The following INO80D variants were observed in gnomAD, a reference collection of about 807,000 sequenced individuals.
INO80D encodes the protein INO80 complex subunit D.
In INO80D, 21 loss-of-function variants were observed where a neutral mutation model predicts 87.6. That is an observed-to-expected ratio of 0.24 (90% CI 0.17 to 0.35). INO80D has a LOEUF of 0.35. Ranked by LOEUF, INO80D falls within the 10% of genes least tolerant of loss-of-function variation. INO80D has a pLI of 1.00. For synonymous variants in INO80D, 440 were observed against 491.0 expected (o/e 0.90, Z 1.37); for missense variants, 982 against 1,280.7 (o/e 0.77, Z 3.56).
chr2:205,997,038 G>A lies in INO80D; in HGVS notation c.*7330C>T, dbSNP rs1687821525. On this transcript the variant is annotated 3_prime_UTR_variant, in exon 11 of 11. Coordinates refer to ENST00000403263, the MANE Select transcript of INO80D (RefSeq NM_017759.5). The stretch of plus-strand genomic sequence containing the variant: ...CTATATCTAAGATGAAGTAAATGAT[G>A]CTCAAGAGACAACTACAAATTCAGG... The A allele has an allele frequency of 6.6e-6, 1 of 152,040 alleles. No homozygotes were observed. Among genetic ancestry groups the A allele is most frequent in the African/African-American group, 2.4e-5 (1 of 41,418 alleles). The allele number at this position is 152,040 out of a possible 1,614,324, so 9.4% of individuals were successfully genotyped here. A position where few individuals can be genotyped will look rare whatever the true frequency, so the allele number is the denominator to read the frequency against.
In INO80D at chr2:206,086,020, T is replaced by TG. The variant is rs1449981388; in HGVS notation, c.-244dup. The stretch of plus-strand genomic sequence containing the variant: ...GGCTGCCGCTGCTACTGCTCCCCCC[T>TG]GGGCTCCGGCGAGAGCCTTTCCCTG... On this transcript the variant is annotated 5_prime_UTR_variant, in exon 1 of 11. Coordinates refer to ENST00000403263, the MANE Select transcript of INO80D (RefSeq NM_017759.5). 6.6e-6 allele frequency: 1 copy of TG among 152,248 alleles called. No homozygotes were observed. The highest frequency in any genetic ancestry group is 1.5e-5 in the Non-Finnish European group (1 of 68,200). 9.4% of individuals were successfully genotyped at this position (152,248 alleles called of 1,614,324 possible).
rs141723881 is a variant in INO80D at position 206,061,766 on chromosome 2, G to A, written c.218+1033C>T. 2.6e-5 allele frequency among the ~76,000 whole-genome samples: 4 copies of A among 152,290 alleles called. No individual in the cohort carries two copies. In the East Asian group the frequency reaches 5.8e-4, roughly 22 times the overall value. ...TACTGCAAGTGTAAAAAGTATTCAT[G>A]ACACAAAATATCTGATTCCTTTCCA... On this transcript the variant is annotated intron_variant, in intron 3 of 10. Transcript: ENST00000403263.
chr2:206,037,443 T>C (rs1243383996), intron 5 of INO80D, among the ~76,000 whole-genome samples: 1 of 151,882 alleles, frequency 6.6e-6, no homozygotes, highest in Non-Finnish European at 1.5e-5. Flanking sequence ...AAATAATGAG[T>C]TTAGTTTTAG....
intron 7 of INO80D, among the ~76,000 whole-genome samples, chr2:206,018,927 A>T (rs1372201279): frequency 6.6e-6 from 1 of 152,142 alleles, no homozygotes; most frequent in Non-Finnish European, 1.5e-5. Flanking sequence ...TGAGCTTTAC[A>T]TCATCAATAT....
chr2:206,060,596 T>G (rs1222188760), intron 3 of INO80D, among the ~76,000 whole-genome samples: 14 of 151,780 alleles, frequency 9.2e-5, no homozygotes, highest in Admixed American at 5.2e-4. Flanking sequence ...GTTTCGCTCT[T>G]GTTGCCCAGG....
intron 5 of INO80D, among the ~76,000 whole-genome samples, chr2:206,039,126 G>A (rs1322278063): frequency 2.0e-5 from 3 of 152,160 alleles, no homozygotes; most frequent in South Asian, 4.1e-4. Context: ...GGCTGGGGGC[G>A]GTACCTCACC....
rs746867632 is a variant in INO80D, at chr2:206,009,586, G to C, written c.1751C>G (p.Ser584Cys). The C allele has an allele frequency of 2.5e-6, 4 of 1,611,544 alleles. No individual in the cohort carries two copies. Among genetic ancestry groups the C allele is most frequent in the Admixed American group, 1.7e-5 (1 of 59,610 alleles). Residue 584 changes from serine to cysteine, a missense_variant, in exon 9 of 11, where the codon TCT becomes TGT. Transcript: ENST00000403263. Reference protein sequence around the residue: ...PASVSLPVEASHIRSPSTPEL... With the variant: ...PASVSLPVEACHIRSPSTPEL... Reference sequence around the variant, plus strand: ...CAGTGGCACCACTGACCGGATGTGAGAGGCCTCCACTGGCAGTGAGACGCT... The same window carrying C: ...CAGTGGCACCACTGACCGGATGTGACAGGCCTCCACTGGCAGTGAGACGCT...
intron 5 of INO80D, among the ~76,000 whole-genome samples, chr2:206,038,661 T>C (rs1326799249): frequency 6.6e-6 from 1 of 152,012 alleles, no homozygotes; most frequent in Non-Finnish European, 1.5e-5. Flanking sequence ...GTGAAACCCA[T>C]CTCTACAACA....
intron 8 of INO80D, among the ~76,000 whole-genome samples, chr2:206,015,979 G>A (rs990084627): frequency 2.6e-5 from 4 of 152,168 alleles, no homozygotes; most frequent in Admixed American, 2.6e-4. Context: ...CTAGAATAGT[G>A]CAGAAGGAAA....
intron 6 of INO80D, among the ~76,000 whole-genome samples, chr2:206,025,394 G>A (rs1056876358): frequency 1.3e-5 from 2 of 150,878 alleles, no homozygotes; most frequent in Admixed American, 6.6e-5. Flanking sequence ...CAAGCGTGGT[G>A]GCGGGTGCCT....
At chr2:206,051,344 G>A (rs1018235369) in intron 4 of INO80D, among the ~76,000 whole-genome samples, 8 of 151,720 alleles carry the variant, frequency 5.3e-5, no homozygotes, top group African/African-American at 1.9e-4. Context: ...AGCCTCCCAA[G>A]TAGCAGAGAT....
At chr2:206,014,260 T>C (rs950520461) in intron 8 of INO80D, among the ~76,000 whole-genome samples, 2 of 152,202 alleles carry the variant, frequency 1.3e-5, no homozygotes, top group Non-Finnish European at 2.9e-5. Context: ...TGTAGTTTAG[T>C]ATACAAATTT....
chr2:206,029,269 A>G (rs940890008), intron 5 of INO80D, among the ~76,000 whole-genome samples: 2 of 152,318 alleles, frequency 1.3e-5, no homozygotes, highest in Admixed American at 1.3e-4. Context: ...ATTTTCCATC[A>G]CATGCTAATA....
intron 1 of INO80D, among the ~76,000 whole-genome samples, chr2:206,067,582 T>C (rs1265224405): frequency 4.0e-5 from 6 of 149,780 alleles, no homozygotes; most frequent in Non-Finnish European, 8.9e-5. Context: ...ATATGTACAA[T>C]TATTTTGTGT....
intron 5 of INO80D, among the ~76,000 whole-genome samples, chr2:206,029,914 T>C (rs768197137): frequency 6.6e-6 from 1 of 152,192 alleles, no homozygotes; most frequent in Non-Finnish European, 1.5e-5. Flanking sequence ...ATGATTCAAA[T>C]ATCTGACCAC....
intron 5 of INO80D, among the ~76,000 whole-genome samples, chr2:206,039,778 C>T (rs1305425146): frequency 1.4e-5 from 2 of 146,664 alleles, no homozygotes; most frequent in Non-Finnish European, 3.0e-5. Context: ...CCACTACACT[C>T]CAGCCTGGGC....
At chr2:206,009,972 T>C (rs1688126692) in intron 8 of INO80D, among the ~76,000 whole-genome samples, 178 bp from the exon 9 acceptor site, 1 of 152,154 alleles carries the variant, frequency 6.6e-6, no homozygotes, top group Non-Finnish European at 1.5e-5. Context: ...GATCTACATT[T>C]TAATATCTCT....
rs1305342541 is a variant in INO80D, at chr2:205,997,172, G to A, written c.*7196C>T. On this transcript the variant is annotated 3_prime_UTR_variant, in exon 11 of 11. Transcript: ENST00000403263. ...ACCAACTCTACTTTTGACTATTTCA[G>A]ACCACCAGATACTCCAGTAATAAAT... The A allele has an allele frequency of 6.6e-6, 1 of 151,800 alleles. No individual in the cohort carries two copies. The highest frequency in any genetic ancestry group is 1.5e-5 in the Non-Finnish European group (1 of 67,908). 9.4% of individuals were successfully genotyped at this position (151,800 alleles called of 1,614,324 possible).
At chr2:206,063,947 T>C (rs762507732) in intron 1 of INO80D, among the ~76,000 whole-genome samples, 4 of 152,228 alleles carry the variant, frequency 2.6e-5, no homozygotes, top group Non-Finnish European at 5.9e-5. Flanking sequence ...TCTTTTGATA[T>C]GATGGTAAAA....
Sources: gnomAD v4.1 joint callset for allele counts (sites outside exome capture counted in the v4.1 genomes callset) on GRCh38, gnomAD v4.1.1 for gene constraint, MANE v1.5 for transcripts, NCBI Gene and HGNC (gene_info 2026-07-23, HGNC 2026-07-21) for gene names.